Variants in TP53BP1 observed in about 807,000 individuals in gnomAD.
TP53BP1 encodes TP53-binding protein 1.
TP53BP1 carries 61 observed loss-of-function variants against 200.8 expected under a neutral mutation model. The observed-to-expected ratio is 0.30, with a 90% CI of 0.25 to 0.38. The LOEUF (loss-of-function observed/expected upper bound fraction) is 0.38, where lower values mean the gene tolerates loss of function less well. Among genes scored for constraint, TP53BP1 ranks in the 10% least tolerant of loss-of-function variants. The pLI is 1.00. For missense variants in TP53BP1, 2,144 were observed against 2,371.9 expected (o/e 0.90, Z 2.00); for synonymous variants, 822 against 844.3 (o/e 0.97, Z 0.46).
chr15:43,421,522 T>C, intron 19 of TP53BP1: 3 of 473,328 alleles, frequency 6.3e-6, no homozygotes, highest in Non-Finnish European at 1.1e-5. Context: ...AAGTTTGGGC[T>C]ACTATCCCAA....
intron 7 of TP53BP1, among the ~76,000 whole-genome samples, chr15:43,478,057 TATA>T (rs1380991502): frequency 6.6e-6 from 1 of 152,224 alleles, no homozygotes; most frequent in African/African-American, 2.4e-5. Flanking sequence ...TTTTGTTACA[TATA>T]ATGTTATCTA....
intron 11 of TP53BP1, among the ~76,000 whole-genome samples, chr15:43,462,350 G>A (rs529676882): frequency 1.3e-5 from 2 of 150,644 alleles, no homozygotes; most frequent in African/African-American, 4.9e-5. Flanking sequence ...ACCCAGGCCA[G>A]AGGGCAGTGG....
Position 43,489,548 on chromosome 15 carries a change from C to T in TP53BP1, c.371+2121G>A, listed in dbSNP as rs1346572498. Reference sequence around the variant, plus strand: ...AGCACTATGATAAATGACAAAAGAACACCTGGCCTCAGTGTCCAAGTACAA... The same window carrying T: ...AGCACTATGATAAATGACAAAAGAATACCTGGCCTCAGTGTCCAAGTACAA... On this transcript the variant is annotated intron_variant, in intron 4 of 27. Transcript: ENST00000382044. Among the ~76,000 whole-genome samples, 3 of 152,334 alleles carry T rather than the reference C, an allele frequency of 2.0e-5. No homozygotes were observed. In the East Asian group the frequency reaches 5.8e-4, roughly 29 times the overall value.
In TP53BP1 at chr15:43,491,756, G is replaced by A; in HGVS notation, c.287-3C>T. Reference sequence around the variant, plus strand: ...CAAGTTAGAAGAATCCACAGGGTCTGAAAAAAATAACTGGATATTAGCATG... The same window carrying A: ...CAAGTTAGAAGAATCCACAGGGTCTAAAAAAAATAACTGGATATTAGCATG... On this transcript the variant is annotated splice_region_variant and splice_polypyrimidine_tract_variant and intron_variant, in intron 3 of 27. Transcript: ENST00000382044. The A allele has an allele frequency of 1.2e-6, 2 of 1,611,934 alleles. No homozygotes were observed. The highest frequency in any genetic ancestry group is 1.7e-6 in the Non-Finnish European group (2 of 1,178,272).
intron 12 of TP53BP1, among the ~76,000 whole-genome samples, chr15:43,449,129 AAAAAC>A (rs907211400): frequency 2.6e-5 from 4 of 152,302 alleles, no homozygotes; most frequent in African/African-American, 7.2e-5. Flanking sequence ...CGTGCCTCAA[AAAAAC>A]AAAACAAAAC....
At chr15:43,482,427 G>A (rs957699051) in intron 4 of TP53BP1, among the ~76,000 whole-genome samples, 12 of 152,000 alleles carry the variant, frequency 7.9e-5, no homozygotes, top group Non-Finnish European at 1.5e-4. Flanking sequence ...TTTAAGGTTA[G>A]TTCAAAACCA....
intron 1 of TP53BP1, among the ~76,000 whole-genome samples, chr15:43,503,737 C>T (rs1326526821): frequency 2.0e-5 from 3 of 152,136 alleles, no homozygotes; most frequent in South Asian, 4.1e-4. Flanking sequence ...ACATCTTAGT[C>T]TGAAGTCTCA....
chr15:43,499,838 T>C (rs1198396804), intron 1 of TP53BP1, among the ~76,000 whole-genome samples: 3 of 152,204 alleles, frequency 2.0e-5, no homozygotes, highest in East Asian at 1.9e-4. Context: ...ATGAGTAATA[T>C]CTAGTTTCTA....
In TP53BP1 at chr15:43,426,067, A is replaced by AAC. The variant is rs1288999673; in HGVS notation, c.3828+1948_3828+1949insGT. On this transcript the variant is annotated intron_variant, in intron 18 of 27. Coordinates refer to ENST00000382044, the MANE Select transcript of TP53BP1 (RefSeq NM_001141980.3). ...GCCAAAGAGCGAGACTCCGTCTCAA[A>AAC]AAAAAAAAAACAAAAAATATTTTTA... 1.3e-4 allele frequency among the ~76,000 whole-genome samples: 20 copies of AAC among 151,876 alleles called. No individual in the cohort carries two copies. In the East Asian group the frequency reaches 3.7e-3, roughly 28 times the overall value.
At chr15:43,468,574 AT>A (rs1296579869) in intron 11 of TP53BP1, among the ~76,000 whole-genome samples, 1 of 151,992 alleles carries the variant, frequency 6.6e-6, no homozygotes, top group Non-Finnish European at 1.5e-5. Context: ...GCTAAAGAAA[AT>A]GATGTATGGT....
chr15:43,509,021 G>C (rs2079254092), intron 1 of TP53BP1, among the ~76,000 whole-genome samples: 1 of 152,088 alleles, frequency 6.6e-6, no homozygotes, highest in Admixed American at 6.5e-5. Context: ...CCTTTATACT[G>C]AGACCCTGTG....
chr15:43,415,560 C>CT, intron 23 of TP53BP1, 34 bp downstream of exon 23: 1 of 1,606,858 alleles, frequency 6.2e-7, no homozygotes, highest in East Asian at 2.2e-5. Context: ...CTGCCATGGT[C>CT]TGAAGGAAGA....
chr15:43,438,316 A>C lies in TP53BP1; in HGVS notation c.3191+8T>G. 5.6e-6 allele frequency: 9 copies of C among 1,611,680 alleles called. No homozygotes were observed. The highest frequency in any genetic ancestry group is 6.8e-6 in the Non-Finnish European group (8 of 1,178,990). ...GAGCCCAAAAGATTCTATAAAAATAATGCTTACCTGATGGGTGTGGTGGGG... is the reference window on the plus strand; with the variant it reads ...GAGCCCAAAAGATTCTATAAAAATACTGCTTACCTGATGGGTGTGGTGGGG... On this transcript the variant is annotated splice_region_variant and intron_variant, in intron 16 of 27. Transcript: ENST00000382044.
rs200092283 is a variant in TP53BP1, at chr15:43,403,697, G to T, written c.*3686C>A. ...TTCCCGGGTAGGTGTTTCACTGCCT[G>T]AATGAAATCCTAGATCTCTGTCACA... On this transcript the variant is annotated 3_prime_UTR_variant, in exon 28 of 28. Coordinates refer to ENST00000382044, the MANE Select transcript of TP53BP1 (RefSeq NM_001141980.3). 6.9e-4 allele frequency: 1,108 copies of T among 1,612,466 alleles called. No individual in the cohort carries two copies. The highest frequency in any genetic ancestry group is 8.8e-4 in the Non-Finnish European group (1,039 of 1,179,716).
chr15:43,449,493 A>G (rs2046118993), intron 12 of TP53BP1, among the ~76,000 whole-genome samples: 1 of 152,246 alleles, frequency 6.6e-6, no homozygotes, highest in Admixed American at 6.5e-5. Flanking sequence ...GTATTACATA[A>G]AACTTATGGA....
At chr15:43,496,743 C>A (rs1017829279), upstream of TP53BP1, among the ~76,000 whole-genome samples, 1 of 151,862 alleles carries the variant, frequency 6.6e-6, no homozygotes, top group Non-Finnish European at 1.5e-5. Flanking sequence ...CCTGCCTCAG[C>A]CTCCTGAGTA....
At chr15:43,480,424 G>A (rs2078947078) in intron 5 of TP53BP1, among the ~76,000 whole-genome samples, 1 of 151,476 alleles carries the variant, frequency 6.6e-6, no homozygotes, top group Non-Finnish European at 1.5e-5. Flanking sequence ...CTCTAACCTG[G>A]GCAACAGAGC....
chr15:43,415,268 T>TG, intron 23 of TP53BP1: 1 of 329,914 alleles, frequency 3.0e-6, no homozygotes, highest in Non-Finnish European at 5.8e-6. Context: ...AGTGCAATGG[T>TG]GCAATTTCGG....
At chr15:43,415,509 C>T (rs772261943) in intron 23 of TP53BP1, 85 bp downstream of exon 23, 5 of 1,433,468 alleles carry the variant, frequency 3.5e-6, no homozygotes, top group Non-Finnish European at 4.9e-6. Flanking sequence ...GGGCCACTGC[C>T]ACATATTAAG....
Sources: gnomAD v4.1 joint callset for allele counts (sites outside exome capture counted in the v4.1 genomes callset) on GRCh38, gnomAD v4.1.1 for gene constraint, MANE v1.5 for transcripts, NCBI Gene and HGNC (gene_info 2026-07-23, HGNC 2026-07-21) for gene names.